Variants in ATRNL1 observed in about 807,000 individuals in gnomAD.
ATRNL1 encodes attractin-like protein 1.
In ATRNL1, 95 loss-of-function variants were observed where a neutral mutation model predicts 182.7. The ratio of observed to expected loss-of-function variants is 0.52; its 90% CI spans 0.44 to 0.62. ATRNL1 has a LOEUF of 0.62. ATRNL1 is among the 20% of genes least tolerant of loss of function. The pLI, the probability that ATRNL1 is intolerant of heterozygous loss-of-function variation, is 0.00. For missense variants in ATRNL1, 1,471 were observed against 1,679.5 expected, an observed-to-expected ratio of 0.88 and a Z score of 2.17; for synonymous variants, 576 against 568.3, an observed-to-expected ratio of 1.01 and a Z score of -0.19.
chr10:115,558,066 A>C (rs1222452482), intron 26 of ATRNL1, among the ~76,000 whole-genome samples: 2 of 17,418 alleles, frequency 1.1e-4, no homozygotes, highest in Admixed American at 6.2e-4. Flanking sequence ...ACAAAAAAAC[A>C]AAAAAAAAAA....
chr10:115,241,481 T>C (rs1478330534), intron 9 of ATRNL1, 90 bp from the exon 10 acceptor site: 2 of 768,946 alleles, frequency 2.6e-6, no homozygotes, highest in African/African-American at 3.5e-5. Flanking sequence ...GGGAAACCTC[T>C]ATATGCAAAG....
chr10:115,284,532 A>G (rs1448003484), intron 14 of ATRNL1, among the ~76,000 whole-genome samples: 2 of 152,214 alleles, frequency 1.3e-5, no homozygotes, highest in African/African-American at 2.4e-5. Flanking sequence ...AGGGATTACT[A>G]TGTTCCAACT....
intron 28 of ATRNL1, among the ~76,000 whole-genome samples, chr10:115,930,704 C>A (rs1486547062): frequency 6.6e-6 from 1 of 152,150 alleles, no homozygotes; most frequent in Non-Finnish European, 1.5e-5. Flanking sequence ...AGTAAATATA[C>A]AACTAAGAGT....
At chr10:115,455,826 G>T (rs1554968598) in intron 21 of ATRNL1, among the ~76,000 whole-genome samples, 2 of 151,978 alleles carry the variant, frequency 1.3e-5, no homozygotes, top group Non-Finnish European at 2.9e-5. Flanking sequence ...GTGGGCAAAG[G>T]ATATGAACAG....
chr10:115,824,349 A>T (rs1280570245), intron 27 of ATRNL1, among the ~76,000 whole-genome samples: 2 of 152,164 alleles, frequency 1.3e-5, no homozygotes, highest in Non-Finnish European at 2.9e-5. Flanking sequence ...AGGCAATACC[A>T]TTCAGGACAT....
chr10:115,102,299 T>C (rs1554864755), intron 1 of ATRNL1, among the ~76,000 whole-genome samples: 3 of 152,186 alleles, frequency 2.0e-5, no homozygotes, highest in Non-Finnish European at 2.9e-5. Flanking sequence ...TGTACCTTTA[T>C]TGAAAGTTAA....
intron 20 of ATRNL1, among the ~76,000 whole-genome samples, chr10:115,417,035 G>A (rs1370692479): frequency 6.6e-6 from 1 of 152,186 alleles, no homozygotes; most frequent in Non-Finnish European, 1.5e-5. Context: ...GGGTGTGAAA[G>A]CCCACTGGAG....
At chr10:115,132,609 T>C (rs1338329895) in intron 5 of ATRNL1, among the ~76,000 whole-genome samples, 2 of 152,312 alleles carry the variant, frequency 1.3e-5, no homozygotes, top group Middle Eastern at 3.4e-3. Context: ...CCTGAGTTTT[T>C]AATGATCGCC....
chr10:115,289,196 C>T (rs1366129472), intron 15 of ATRNL1, among the ~76,000 whole-genome samples: 1 of 152,084 alleles, frequency 6.6e-6, no homozygotes, highest in Non-Finnish European at 1.5e-5. Flanking sequence ...GACTTATTCA[C>T]TATCATGAGA....
intron 10 of ATRNL1, among the ~76,000 whole-genome samples, chr10:115,250,332 A>C (rs1850821669): frequency 6.6e-6 from 1 of 152,208 alleles, no homozygotes; most frequent in Admixed American, 6.5e-5. Flanking sequence ...ATAACTTTCC[A>C]CCACAGATGG....
At chr10:115,444,147 A>G (rs1414530118) in intron 21 of ATRNL1, among the ~76,000 whole-genome samples, 2 of 152,144 alleles carry the variant, frequency 1.3e-5, no homozygotes, top group African/African-American at 4.8e-5. Flanking sequence ...AATTGTTTCC[A>G]TAAGAAATCG....
rs1846715198 is a variant in ATRNL1, at chr10:115,160,209, C to T, written c.999C>T (p.Val333=). The T allele has an allele frequency of 1.3e-6, 2 of 1,596,504 alleles. No individual in the cohort carries two copies. The highest frequency in any genetic ancestry group is 4.5e-5 in the East Asian group (2 of 44,512). The part of the protein sequence containing the change: ...YTFNYSSFQM[V]LNYNLESSIW... ...TTAACTACAGTTCTTTTCAAATGGTCCTAAAGTAAGTATTTATTTTCAGAT... is the reference window on the plus strand; with the variant it reads ...TTAACTACAGTTCTTTTCAAATGGTTCTAAAGTAAGTATTTATTTTCAGAT... The change falls in exon 6 of 29, where the codon GTC becomes GTT. Residue 333 remains valine, a synonymous_variant. Transcript: ENST00000355044.
At chr10:115,470,970 G>A (rs1166456365) in intron 24 of ATRNL1, among the ~76,000 whole-genome samples, 1 of 150,358 alleles carries the variant, frequency 6.7e-6, no homozygotes, top group Admixed American at 6.7e-5. Flanking sequence ...TTAAATACTG[G>A]CAGCCATCAT....
chr10:115,291,314 C>A (rs1554920782), intron 15 of ATRNL1, among the ~76,000 whole-genome samples: 1 of 152,126 alleles, frequency 6.6e-6, no homozygotes, highest in Non-Finnish European at 1.5e-5. Flanking sequence ...TCTTCTGTTG[C>A]CTAATTGCCC....
chr10:115,591,685 C>G (rs1383201449), intron 26 of ATRNL1, among the ~76,000 whole-genome samples: 1 of 152,180 alleles, frequency 6.6e-6, no homozygotes, highest in Admixed American at 6.6e-5. Flanking sequence ...CTACCTATAA[C>G]TTTGGTCCAA....
chr10:115,784,290 G>A (rs562239370), intron 27 of ATRNL1, among the ~76,000 whole-genome samples: 23 of 152,294 alleles, frequency 1.5e-4, no homozygotes, highest in South Asian at 1.2e-3. Flanking sequence ...AGGAAAAGAC[G>A]TGAGTCTTGC....
At chr10:115,579,101 G>A (rs1227730388) in intron 26 of ATRNL1, among the ~76,000 whole-genome samples, 2 of 151,696 alleles carry the variant, frequency 1.3e-5, no homozygotes, top group Non-Finnish European at 3.0e-5. Context: ...AATTTGTTAA[G>A]AATTGTTTTG....
intron 28 of ATRNL1, among the ~76,000 whole-genome samples, chr10:115,862,409 C>G (rs920165551): frequency 2.0e-5 from 3 of 152,184 alleles, no homozygotes; most frequent in Admixed American, 2.0e-4. Flanking sequence ...ATAGTCTTGT[C>G]ACAGCACTCC....
intron 28 of ATRNL1, among the ~76,000 whole-genome samples, chr10:115,925,788 A>G (rs895510068): frequency 6.6e-6 from 1 of 152,170 alleles, no homozygotes; most frequent in Admixed American, 6.5e-5. Context: ...ACCTATAAAG[A>G]GACTTAGACT....
Sources: gnomAD v4.1 joint callset for allele counts (sites outside exome capture counted in the v4.1 genomes callset) on GRCh38, gnomAD v4.1.1 for gene constraint, MANE v1.5 for transcripts, NCBI Gene and HGNC (gene_info 2026-07-23, HGNC 2026-07-21) for gene names.